The following PRH1 variants were observed in gnomAD, a reference collection of about 807,000 sequenced individuals.
The protein encoded by PRH1 is salivary acidic proline-rich phosphoprotein 1/2.
PRH1 carries 7 observed loss-of-function variants against 7.9 expected under a neutral mutation model. The observed-to-expected ratio is 0.89, with a 90% CI of 0.50 to 1.67. The LOEUF (loss-of-function observed/expected upper bound fraction) is 1.67. PRH1 is among the 40% of genes most tolerant of loss of function. The probability of loss-of-function intolerance (pLI) is 0.00; values close to 1 mark genes in which losing one functional copy is unlikely to be tolerated. For missense variants in PRH1, 109 were observed against 223.6 expected (o/e 0.49, Z 3.27); for synonymous variants, 45 against 80.8 (o/e 0.56, Z 2.38).
chr12:11,025,184 A>AT (rs895231519), intron 1 of PRH1, among the ~76,000 whole-genome samples: 4 of 151,638 alleles, frequency 2.6e-5, no homozygotes, highest in Non-Finnish European at 4.4e-5. Flanking sequence ...CGCCAGGCTA[A>AT]TTTTTTTTTA....
chr12:11,092,412 A>T, intron 1 of PRH1: 1 of 381,488 alleles, frequency 2.6e-6, no homozygotes, highest in Non-Finnish European at 5.0e-6. Context: ...TTGAGAAGAG[A>T]GAAAGGACAA....
chr12:10,985,024 A>G (rs1231451560), intron 1 of PRH1, among the ~76,000 whole-genome samples: 1 of 152,034 alleles, frequency 6.6e-6, no homozygotes, highest in African/African-American at 2.4e-5. Flanking sequence ...AATTTCAAGT[A>G]TGGAAGATAG....
chr12:11,144,535 A>G (rs1446652842), intron 1 of PRH1, among the ~76,000 whole-genome samples: 1 of 152,188 alleles, frequency 6.6e-6, no homozygotes, highest in Non-Finnish European at 1.5e-5. Context: ...GCCATGAGAG[A>G]AAAGGGCTTT....
intron 2 of PRH1, among the ~76,000 whole-genome samples, chr12:10,923,343 G>C (rs1308245915): frequency 6.6e-6 from 1 of 150,606 alleles, no homozygotes; most frequent in Non-Finnish European, 1.5e-5. Flanking sequence ...TGGCCAGGCT[G>C]GTCTTGAACT....
chr12:10,986,908 T>A, intron 1 of PRH1: 2 of 1,338,720 alleles, frequency 1.5e-6, no homozygotes, highest in Non-Finnish European at 2.0e-6. Flanking sequence ...TATCACTGGT[T>A]GTGATTTCTT....
intron 2 of PRH1, among the ~76,000 whole-genome samples, chr12:10,919,995 G>A (rs949675908): frequency 3.3e-5 from 5 of 151,356 alleles, no homozygotes; most frequent in African/African-American, 9.7e-5. Context: ...GACCTCCTGG[G>A]CTCAAACAAT....
intron 1 of PRH1, among the ~76,000 whole-genome samples, chr12:11,166,622 C>G (rs561680873): frequency 2.6e-5 from 4 of 152,332 alleles, no homozygotes; most frequent in Admixed American, 2.0e-4. Context: ...TTTACTCATG[C>G]AGGGTCCAGT....
chr12:10,901,046 G>A (rs986750281), intron 2 of PRH1, among the ~76,000 whole-genome samples: 13 of 152,150 alleles, frequency 8.5e-5, no homozygotes, highest in African/African-American at 3.1e-4. Flanking sequence ...TTGATGCAGG[G>A]AGGTCCTCTC....
chr12:10,938,625 G>A, intron 2 of PRH1: 1 of 1,613,792 alleles, frequency 6.2e-7, no homozygotes, highest in Non-Finnish European at 8.5e-7. Context: ...AACATTGCCA[G>A]GGACAAAGTA....
At chr12:10,908,312 TC>T in intron 2 of PRH1, 1 of 1,384,020 alleles carries the variant, frequency 7.2e-7, no homozygotes, top group Non-Finnish European at 9.8e-7. Flanking sequence ...TCTTTTAAAC[TC>T]CTTGTAGACT....
intron 1 of PRH1, among the ~76,000 whole-genome samples, chr12:11,002,575 A>G (rs1311623472): frequency 2.0e-5 from 3 of 152,240 alleles, no homozygotes; most frequent in African/African-American, 7.2e-5. Context: ...ACAATTATAT[A>G]GCATACAAAC....
At chr12:11,068,861 A>ATGGAG (rs1943937280) in intron 1 of PRH1, among the ~76,000 whole-genome samples, 2 of 152,010 alleles carry the variant, frequency 1.3e-5, no homozygotes, top group Non-Finnish European at 2.9e-5. Context: ...TCAAGCAAAA[A>ATGGAG]TATTATTAAT....
chr12:11,123,380 C>G (rs1403561541), intron 1 of PRH1, among the ~76,000 whole-genome samples: 1 of 148,762 alleles, frequency 6.7e-6, no homozygotes. Flanking sequence ...TATTCAAATT[C>G]TACTCACAGA....
chr12:11,026,545 T>C (rs550911913), intron 1 of PRH1, among the ~76,000 whole-genome samples: 1 of 151,936 alleles, frequency 6.6e-6, no homozygotes. Flanking sequence ...TCTCCTCTAC[T>C]GGCAACAAAA....
chr12:11,086,324 C>A (rs80167788), intron 1 of PRH1, among the ~76,000 whole-genome samples: 1 of 119,454 alleles, frequency 8.4e-6, no homozygotes, highest in Non-Finnish European at 1.9e-5. Flanking sequence ...AACTATTCCT[C>A]GGACACTTAA....
chr12:11,157,831 G>A (rs563151916), intron 1 of PRH1, among the ~76,000 whole-genome samples: 1 of 152,276 alleles, frequency 6.6e-6, no homozygotes, highest in South Asian at 2.1e-4. Context: ...TGGTGGTGGT[G>A]GTGATGATGA....
downstream of PRH1, among the ~76,000 whole-genome samples, chr12:11,116,641 A>T (rs1447314923): frequency 6.6e-6 from 1 of 152,110 alleles, no homozygotes; most frequent in East Asian, 1.9e-4. Flanking sequence ...CAACAAGCAC[A>T]TATCTCTGAT....
At chr12:11,168,960 G>A (rs556611624) in intron 1 of PRH1, among the ~76,000 whole-genome samples, 4 of 152,216 alleles carry the variant, frequency 2.6e-5, no homozygotes, top group Non-Finnish European at 5.9e-5. Flanking sequence ...GTTGAGTACT[G>A]ATCAGTGTCC....
At chr12:11,135,808 T>C (rs1201701920) in intron 1 of PRH1, among the ~76,000 whole-genome samples, 1 of 152,164 alleles carries the variant, frequency 6.6e-6, no homozygotes, top group Non-Finnish European at 1.5e-5. Flanking sequence ...CTAAATAAAG[T>C]TCTTACTTCA....
Sources: gnomAD v4.1 joint callset for allele counts (sites outside exome capture counted in the v4.1 genomes callset) on GRCh38, gnomAD v4.1.1 for gene constraint, MANE v1.5 for transcripts, NCBI Gene and HGNC (gene_info 2026-07-23, HGNC 2026-07-21) for gene names.